The following NINL variants were observed in gnomAD, a reference collection of about 807,000 sequenced individuals.
The protein encoded by NINL is ninein-like protein.
NINL carries 153 observed loss-of-function variants against 160.3 expected under a neutral mutation model. The ratio of observed to expected loss-of-function variants is 0.95; its 90% CI spans 0.84 to 1.09. The LOEUF is 1.09. NINL is among the 50% of genes least tolerant of loss of function. NINL has a pLI of 0.00. For synonymous variants in NINL, 800 were observed against 734.8 expected, an observed-to-expected ratio of 1.09 and a Z score of -1.43; for missense variants, 1,829 against 1,764.0, an observed-to-expected ratio of 1.04 and a Z score of -0.66.
chr20:25,518,574 T>A (rs1391712496), intron 2 of NINL, among the ~76,000 whole-genome samples: 1 of 152,256 alleles, frequency 6.6e-6, no homozygotes, highest in African/African-American at 2.4e-5. Context: ...ATCCTTATGT[T>A]TTAGCTATGT....
At chr20:25,557,664 C>T (rs2064883903) in intron 1 of NINL, among the ~76,000 whole-genome samples, 3 of 151,832 alleles carry the variant, frequency 2.0e-5, no homozygotes, top group South Asian at 2.1e-4. Context: ...CAAAATAAAG[C>T]GAAACTCAAC....
At chr20:25,568,301 G>C (rs1358365463) in intron 1 of NINL, among the ~76,000 whole-genome samples, 2 of 151,316 alleles carry the variant, frequency 1.3e-5, no homozygotes, top group Admixed American at 6.6e-5. Flanking sequence ...GATTCTGCAG[G>C]CATAATAGGA....
At chr20:25,548,881 G>C (rs1482779167) in intron 1 of NINL, among the ~76,000 whole-genome samples, 1,554 of 28,240 alleles carry the variant, frequency 0.055, no homozygotes, top group Middle Eastern at 0.1. Flanking sequence ...ACGGCCACAG[G>C]TCCCACACCC....
intron 10 of NINL, among the ~76,000 whole-genome samples, chr20:25,492,375 TTAAA>T (rs1054936093): frequency 2.0e-5 from 3 of 151,986 alleles, no homozygotes; most frequent in African/African-American, 7.3e-5. Flanking sequence ...AGGGAAATGG[TTAAA>T]TAAATTATGG....
At chr20:25,580,598 G>A (rs970314637) in intron 1 of NINL, among the ~76,000 whole-genome samples, 1 of 152,186 alleles carries the variant, frequency 6.6e-6, no homozygotes, top group Non-Finnish European at 1.5e-5. Flanking sequence ...GGTTCAGAAA[G>A]GGAAGTACAA....
At chr20:25,550,423 G>C (rs1283116924) in intron 1 of NINL, among the ~76,000 whole-genome samples, 1 of 152,206 alleles carries the variant, frequency 6.6e-6, no homozygotes. Flanking sequence ...ATAAGACACA[G>C]AGACAAAGTA....
chr20:25,524,418 C>T (rs2064317025), intron 2 of NINL, among the ~76,000 whole-genome samples: 1 of 152,160 alleles, frequency 6.6e-6, no homozygotes, highest in Non-Finnish European at 1.5e-5. Context: ...GGGGATGGAG[C>T]TGGGACAGAC....
At chr20:25,520,026 G>A (rs1353029261) in intron 2 of NINL, among the ~76,000 whole-genome samples, 1 of 104,838 alleles carries the variant, frequency 9.5e-6, no homozygotes, top group Non-Finnish European at 1.9e-5. Context: ...AAAGGCCAGA[G>A]AGTATGTATT....
At chr20:25,481,107 A>AT (rs764275880) in intron 14 of NINL, among the ~76,000 whole-genome samples, 126 of 151,382 alleles carry the variant, frequency 8.3e-4, no homozygotes, top group African/African-American at 2.3e-3. Flanking sequence ...ATATTGGCCT[A>AT]TTTTTTTTTA....
intron 1 of NINL, among the ~76,000 whole-genome samples, chr20:25,554,550 C>G (rs185880399): frequency 1.5e-5 from 2 of 136,946 alleles, no homozygotes; most frequent in Non-Finnish European, 3.1e-5. Context: ...TTTGGGAGGC[C>G]GGGGTGGGTG....
intron 23 of NINL, among the ~76,000 whole-genome samples, chr20:25,453,884 A>G (rs577331655): frequency 1.0e-3 from 158 of 152,098 alleles, no homozygotes; most frequent in African/African-American, 3.3e-3. Context: ...CCCCATCTCT[A>G]CTAAAAAATA....
rs752611980 is a variant in NINL, at chr20:25,500,867, C to G, written c.1005G>C (p.Gly335=). 3 of 1,614,006 alleles carry G rather than the reference C, an allele frequency of 1.9e-6. No individual in the cohort carries two copies. In the African/African-American group the frequency reaches 4.0e-5, roughly 22 times the overall value. The change falls in exon 8 of 24, where the codon GGG becomes GGC. Residue 335 remains glycine, a synonymous_variant. Transcript: ENST00000278886. ...DQVLAMWTQE[G]IQNGREILQS... The stretch of plus-strand genomic sequence containing the variant: ...GCAAGATCTCCCTGCCATTCTGAAT[C>G]CCCTCCTGGGTCCACATGGCCAGGA...
rs150702651 is a variant in NINL, at chr20:25,576,515, G to A, written c.-12+8940C>T. 5.9e-3 allele frequency among the ~76,000 whole-genome samples: 898 copies of A among 152,164 alleles called. 4 individuals carry two copies. The highest frequency in any genetic ancestry group is 0.033 in the South Asian group (157 of 4,808). Reference sequence around the variant, plus strand: ...TGCTCTGTTACCCAGGCTGGAGTGCGGTGGTGCATCCCCACTCACTGTAGC... The same window carrying A: ...TGCTCTGTTACCCAGGCTGGAGTGCAGTGGTGCATCCCCACTCACTGTAGC... On this transcript the variant is annotated intron_variant, in intron 1 of 23. Transcript: ENST00000278886.
intron 18 of NINL, among the ~76,000 whole-genome samples, chr20:25,468,501 TCCC>T (rs1418870634): frequency 1.1e-5 from 1 of 91,510 alleles, no homozygotes; most frequent in Admixed American, 1.5e-4. Flanking sequence ...CCCTGCCCTG[TCCC>T]CCGACTCTCA....
At chr20:25,497,281 T>C (rs565160714) in intron 9 of NINL, among the ~76,000 whole-genome samples, 52 of 152,260 alleles carry the variant, frequency 3.4e-4, no homozygotes, top group Admixed American at 3.3e-3. Context: ...AGTGGTTGTA[T>C]GTGGTCTCAG....
Position 25,452,831 on chromosome 20 carries a change from T to C in NINL, c.*620A>G, listed in dbSNP as rs2090566380. On this transcript the variant is annotated 3_prime_UTR_variant, in exon 24 of 24. Coordinates refer to ENST00000278886, the MANE Select transcript of NINL (RefSeq NM_025176.6). ...CTATACTTTTTTTTTTTTTTACATA[T>C]AGTACAATTTCCAGTGTGATGACAT... 6.6e-6 allele frequency: 1 copy of C among 150,740 alleles called. No homozygotes were observed. The highest frequency in any genetic ancestry group is 1.5e-5 in the Non-Finnish European group (1 of 67,686). 9.3% of individuals were successfully genotyped at this position (150,740 alleles called of 1,614,324 possible).
rs1002800731 is a variant in NINL at position 25,482,116 on chromosome 20, C to T, written c.1678-16G>A. On this transcript the variant is annotated splice_polypyrimidine_tract_variant and intron_variant, in intron 13 of 23. Transcript: ENST00000278886. ...CCTGCAGGTCCTGTGGGGACAGAGC[C>T]AGCCACCTCCTCTAGCAGCTGCAGC... 6.3e-7 allele frequency: 1 copy of T among 1,587,964 alleles called. No individual in the cohort carries two copies. Among genetic ancestry groups the T allele is most frequent in the Non-Finnish European group, 8.5e-7 (1 of 1,172,810 alleles).
At chr20:25,576,245 T>A (rs925831754) in intron 1 of NINL, among the ~76,000 whole-genome samples, 2 of 152,104 alleles carry the variant, frequency 1.3e-5, no homozygotes, top group Non-Finnish European at 2.9e-5. Flanking sequence ...AGGCAGGGCG[T>A]TATGTAGAAT....
intron 19 of NINL, among the ~76,000 whole-genome samples, chr20:25,463,784 C>T (rs1421480427): frequency 6.6e-6 from 1 of 152,158 alleles, no homozygotes; most frequent in Non-Finnish European, 1.5e-5. Flanking sequence ...AAAACTGGGA[C>T]GTTTTTCCAT....
Sources: gnomAD v4.1 joint callset for allele counts (sites outside exome capture counted in the v4.1 genomes callset) on GRCh38, gnomAD v4.1.1 for gene constraint, MANE v1.5 for transcripts, NCBI Gene and HGNC (gene_info 2026-07-23, HGNC 2026-07-21) for gene names.